COL23A1: variants seen among roughly 807,000 people sequenced by gnomAD.
The protein encoded by COL23A1 is collagen type XXIII alpha 1 chain.
In COL23A1, 97 loss-of-function variants were observed where a neutral mutation model predicts 99.3. The observed-to-expected ratio is 0.98, with a 90% CI of 0.83 to 1.16. COL23A1 has a LOEUF of 1.16. Among genes scored for constraint, COL23A1 ranks in the 50% most tolerant of loss-of-function variants. COL23A1 has a pLI of 0.00. For missense variants in COL23A1, 762 were observed against 757.4 expected (o/e 1.01, Z -0.07); for synonymous variants, 320 against 308.2 (o/e 1.04, Z -0.40).
chr5:178,359,384 T>C (rs1762055116), intron 2 of COL23A1, among the ~76,000 whole-genome samples: 1 of 152,096 alleles, frequency 6.6e-6, no homozygotes. Flanking sequence ...AAAAATTAGC[T>C]GGATGTGGTG....
intron 5 of COL23A1, among the ~76,000 whole-genome samples, chr5:178,272,742 G>T (rs960394417): frequency 2.0e-5 from 3 of 151,910 alleles, no homozygotes; most frequent in African/African-American, 7.3e-5. Context: ...CCTGCCCCTT[G>T]TCCCCCTACC....
chr5:178,265,784 A>C, intron 8 of COL23A1: 2 of 891,828 alleles, frequency 2.2e-6, no homozygotes, highest in Non-Finnish European at 2.7e-6. Flanking sequence ...GAAGAACTAC[A>C]AGGCTTTTTG....
At chr5:178,476,470 C>G (rs1757032958) in intron 2 of COL23A1, among the ~76,000 whole-genome samples, 1 of 152,208 alleles carries the variant, frequency 6.6e-6, no homozygotes, top group African/African-American at 2.4e-5. Flanking sequence ...TGCCCTTTCA[C>G]TGAACAAATG....
At chr5:178,275,767 G>A (rs1240185831) in intron 5 of COL23A1, among the ~76,000 whole-genome samples, 2 of 152,176 alleles carry the variant, frequency 1.3e-5, no homozygotes, top group Non-Finnish European at 2.9e-5. Context: ...CTGGTCGGAA[G>A]GATCCCACGG....
intron 2 of COL23A1, among the ~76,000 whole-genome samples, chr5:178,371,458 C>T (rs944788743): frequency 6.6e-6 from 1 of 152,184 alleles, no homozygotes; most frequent in African/African-American, 2.4e-5. Context: ...GGGCTTGGTT[C>T]CAGCTGAGAC....
chr5:178,249,714 A>ACACACACACACT (rs1285035339), intron 18 of COL23A1, among the ~76,000 whole-genome samples: 66 of 116,270 alleles, frequency 5.7e-4, no homozygotes, highest in East Asian at 7.4e-4. Flanking sequence ...ACACACACAC[A>ACACACACACACT]CACTCTCTCT....
chr5:178,268,846 G>A (rs1756058648), intron 6 of COL23A1, 90 bp from the exon 7 acceptor site: 2 of 1,375,004 alleles, frequency 1.5e-6, no homozygotes, highest in South Asian at 1.4e-5. Flanking sequence ...GAGGGCAGAA[G>A]GGCCCGTGAT....
intron 2 of COL23A1, among the ~76,000 whole-genome samples, chr5:178,333,714 C>G (rs1386578940): frequency 6.6e-6 from 1 of 152,214 alleles, no homozygotes; most frequent in Non-Finnish European, 1.5e-5. Context: ...GGAGGACGTC[C>G]ATCTGCAGAA....
At chr5:178,505,252 TTTTC>T (rs898430281) in intron 2 of COL23A1, among the ~76,000 whole-genome samples, 7 of 124,804 alleles carry the variant, frequency 5.6e-5, no homozygotes, top group Non-Finnish European at 1.4e-4. Context: ...AAATTTCCCT[TTTTC>T]TTTTTTTTTT....
rs1175395754 is a variant in COL23A1 at position 178,468,990 on chromosome 5, T to A, written c.361+91692A>T. ...TTGATGACTGGGTGCCTCACATAAG[T>A]GGAATCATATCGTGTTTGTCCTTCT... On this transcript the variant is annotated intron_variant, in intron 2 of 28. Transcript: ENST00000390654. The surrounding 1 kb of genome is among the most constrained non-coding windows in gnomAD (Gnocchi z 4.2). Among the ~76,000 whole-genome samples the A allele has an allele frequency of 6.6e-6, 1 of 152,172 alleles. No individual in the cohort carries two copies. The highest frequency in any genetic ancestry group is 1.9e-4 in the East Asian group (1 of 5,188).
chr5:178,451,899 T>A (rs1169795638), intron 2 of COL23A1, among the ~76,000 whole-genome samples: 2 of 152,066 alleles, frequency 1.3e-5, no homozygotes, highest in African/African-American at 2.4e-5. Context: ...CATTTCATGT[T>A]CACGTTTTTC....
chr5:178,551,980 C>T (rs1279909464), intron 2 of COL23A1, among the ~76,000 whole-genome samples: 1 of 152,156 alleles, frequency 6.6e-6, no homozygotes, highest in Middle Eastern at 3.2e-3. Flanking sequence ...CCCTCTGCCT[C>T]CACTCAGGAT....
At chr5:178,565,218 T>C (rs1269026234) in intron 1 of COL23A1, among the ~76,000 whole-genome samples, 1 of 152,242 alleles carries the variant, frequency 6.6e-6, no homozygotes, top group African/African-American at 2.4e-5. Flanking sequence ...TGGGCTGTTG[T>C]GATATCATCT....
At chr5:178,527,558 C>CTTGGGTGT (rs1440968185) in intron 2 of COL23A1, among the ~76,000 whole-genome samples, 1 of 152,208 alleles carries the variant, frequency 6.6e-6, no homozygotes, top group Admixed American at 6.5e-5. Flanking sequence ...CTTGCCTGGG[C>CTTGGGTGT]ACAGCACCAC....
chr5:178,414,755 G>C (rs796839634), intron 2 of COL23A1, among the ~76,000 whole-genome samples: 1 of 152,170 alleles, frequency 6.6e-6, no homozygotes, highest in Non-Finnish European at 1.5e-5. Context: ...ATGAGTGACA[G>C]AGTGAGACTC....
At chr5:178,299,080 G>A (rs1476871825) in intron 3 of COL23A1, among the ~76,000 whole-genome samples, 1 of 152,154 alleles carries the variant, frequency 6.6e-6, no homozygotes, top group African/African-American at 2.4e-5. Context: ...GGACTTTTAT[G>A]TCTGTGTTCA....
At chr5:178,311,503 T>G (rs1333657198) in intron 2 of COL23A1, among the ~76,000 whole-genome samples, 1 of 9,286 alleles carries the variant, frequency 1.1e-4, no homozygotes, top group South Asian at 1.9e-3. Flanking sequence ...TGTGTGTGTG[T>G]GTGCGCGTGT....
chr5:178,467,701 T>C (rs674014), intron 2 of COL23A1, among the ~76,000 whole-genome samples: 2,529 of 152,308 alleles, frequency 0.017, 61 homozygotes, highest in African/African-American at 0.054. Context: ...CCTCTTCTCC[T>C]AGTACTGATT....
chr5:178,427,200 T>A (rs767561633), intron 2 of COL23A1, among the ~76,000 whole-genome samples: 1 of 151,962 alleles, frequency 6.6e-6, no homozygotes, highest in Non-Finnish European at 1.5e-5. Context: ...TCTCAAAAAA[T>A]AATAATAATG....
Sources: allele counts gnomAD v4.1 joint callset (sites outside exome capture counted in the v4.1 genomes callset), GRCh38; gene constraint gnomAD v4.1.1; non-coding constraint Gnocchi (gnomAD v3.1); transcripts MANE v1.5; gene names NCBI Gene and HGNC (gene_info 2026-07-23, HGNC 2026-07-21).